CDH4: variants seen among roughly 807,000 people sequenced by gnomAD.
The protein encoded by CDH4 is cadherin 4.
Under a neutral mutation model 86.0 loss-of-function variants are expected in CDH4, and 33 were observed. The observed-to-expected ratio is 0.38, with a 90% CI of 0.29 to 0.51. The LOEUF is 0.51. Ranked by LOEUF, CDH4 falls within the 20% of genes least tolerant of loss-of-function variation. The pLI, the probability that CDH4 is intolerant of heterozygous loss-of-function variation, is 0.86. For missense variants in CDH4, 1,114 were observed against 1,307.4 expected (o/e 0.85, Z 2.28); for synonymous variants, 555 against 549.4 (o/e 1.01, Z -0.14).
At chr20:61,375,668 GGTTT>G (rs1156946576) in intron 2 of CDH4, among the ~76,000 whole-genome samples, 1 of 144,784 alleles carries the variant, frequency 6.9e-6, no homozygotes, top group Non-Finnish European at 1.5e-5. Context: ...GTGATGGTGT[GGTTT>G]GTTGATGGTA....
Position 61,630,020 on chromosome 20 carries a change from G to A in CDH4, c.170-113543G>A, listed in dbSNP as rs190664532. On this transcript the variant is annotated intron_variant, in intron 2 of 15. Transcript: ENST00000614565. ...CTCTGCCCGGGCTCCGAGGCGGTGTGAGGCCTCTCACATTGCTCCCTGACA... is the reference window on the plus strand; with the variant it reads ...CTCTGCCCGGGCTCCGAGGCGGTGTAAGGCCTCTCACATTGCTCCCTGACA... Among the ~76,000 whole-genome samples, 362 of 152,142 alleles carry A rather than the reference G, an allele frequency of 2.4e-3. 1 individual carries two copies. The highest frequency in any genetic ancestry group is 7.9e-3 in the African/African-American group (328 of 41,516).
rs2087282218 is a variant in CDH4 at position 61,663,315 on chromosome 20, G to T, written c.170-80248G>T. Among the ~76,000 whole-genome samples the T allele has an allele frequency of 6.6e-6, 1 of 152,258 alleles. No homozygotes were observed. The highest frequency in any genetic ancestry group is 1.5e-5 in the Non-Finnish European group (1 of 68,040). ...AAGGAGTGGCACCCGCAGGAGGCCT[G>T]TGCTGCGGAGCTCCTGGGAGGGTGA... On this transcript the variant is annotated intron_variant, in intron 2 of 15. Transcript: ENST00000614565. This position sits in a 1 kb window ranked among gnomAD's most constrained non-coding sequence, Gnocchi z 5.0.
At position 61,352,505 on chromosome 20, in the gene CDH4, G is replaced by A. The variant is rs930376807; in HGVS notation, c.169+97568G>A. 4.6e-5 allele frequency among the ~76,000 whole-genome samples: 7 copies of A among 152,318 alleles called. 1 individual carries two copies. Among genetic ancestry groups the A allele is most frequent in the Middle Eastern group, 6.8e-3 (2 of 294 alleles). ...TGCACTGGCCCCCGTGCCTGCCAGC[G>A]GGGTGTGAGCCGCCTGTGGGGCAGC... On this transcript the variant is annotated intron_variant, in intron 2 of 15. Coordinates refer to ENST00000614565, the MANE Select transcript of CDH4 (RefSeq NM_001794.5).
intron 2 of CDH4, among the ~76,000 whole-genome samples, chr20:61,453,613 T>C (rs1456166120): frequency 6.6e-6 from 1 of 152,236 alleles, no homozygotes; most frequent in Non-Finnish European, 1.5e-5. Context: ...TGGTGCCTTC[T>C]GGGCAGCTCA....
At chr20:61,633,068 A>G (rs2086910023) in intron 2 of CDH4, among the ~76,000 whole-genome samples, 1 of 150,052 alleles carries the variant, frequency 6.7e-6, no homozygotes, top group Non-Finnish European at 1.5e-5. Context: ...TCATTCACCC[A>G]TCCATCTATC....
At chr20:61,360,149 T>G (rs2084775947) in intron 2 of CDH4, among the ~76,000 whole-genome samples, 1 of 152,186 alleles carries the variant, frequency 6.6e-6, no homozygotes, top group South Asian at 2.1e-4. Flanking sequence ...ATTTGCCACA[T>G]CAGCTCGCAG....
intron 2 of CDH4, among the ~76,000 whole-genome samples, chr20:61,429,713 G>T (rs1441645684): frequency 1.3e-5 from 2 of 151,574 alleles, no homozygotes; most frequent in African/African-American, 2.4e-5. Context: ...GTGGATAGAT[G>T]GGTGGATGGG....
At chr20:61,856,462 A>G (rs554348757) in intron 6 of CDH4, among the ~76,000 whole-genome samples, 2 of 124,952 alleles carry the variant, frequency 1.6e-5, no homozygotes, top group Admixed American at 8.9e-5. Flanking sequence ...AGAATCCTTC[A>G]TGCACCCCAC....
chr20:61,639,259 G>A (rs2086980158), intron 2 of CDH4, among the ~76,000 whole-genome samples: 2 of 152,172 alleles, frequency 1.3e-5, no homozygotes, highest in Admixed American at 6.5e-5. Context: ...AGTCTGTGCT[G>A]TTACATACCC....
intron 2 of CDH4, among the ~76,000 whole-genome samples, chr20:61,714,023 T>TTATGTTATGTTATGTTATGTTCTGTTATG (rs1555828915): frequency 8.1e-6 from 1 of 123,860 alleles, no homozygotes; most frequent in Admixed American, 8.0e-5. Flanking sequence ...CTATTCTTTT[T>TTATGTTATGTTATGTTATGTTCTGTTATG]TTATTTTATT....
intron 2 of CDH4, among the ~76,000 whole-genome samples, chr20:61,702,969 G>T (rs532112545): frequency 2.0e-5 from 3 of 152,174 alleles, no homozygotes; most frequent in Non-Finnish European, 4.4e-5. Flanking sequence ...GGCTGTGTGC[G>T]TGCGGCCCTG....
intron 2 of CDH4, among the ~76,000 whole-genome samples, chr20:61,344,968 G>A (rs6071592): frequency 0.13 from 19,074 of 152,258 alleles, 1,315 homozygotes; most frequent in African/African-American, 0.18. Context: ...GCACCTGAGT[G>A]CCCAACTGTG....
intron 2 of CDH4, among the ~76,000 whole-genome samples, chr20:61,355,447 G>T (rs1028258543): frequency 9.9e-5 from 15 of 152,174 alleles, no homozygotes; most frequent in African/African-American, 3.6e-4. Context: ...TCTTCCTCTC[G>T]TGGAAATTTC....
chr20:61,618,731 G>A (rs577079162), intron 2 of CDH4, among the ~76,000 whole-genome samples: 67 of 152,322 alleles, frequency 4.4e-4, no homozygotes, highest in African/African-American at 1.5e-3. Flanking sequence ...CTATTGTTTC[G>A]GTTAACTGAG....
chr20:61,908,125 A>G (rs1210832506), intron 8 of CDH4, among the ~76,000 whole-genome samples: 1 of 152,160 alleles, frequency 6.6e-6, no homozygotes, highest in African/African-American at 2.4e-5. Context: ...GAGCTTTTGA[A>G]ATACAGAGAA....
intron 1 of CDH4, among the ~76,000 whole-genome samples, chr20:61,253,873 G>C (rs904804898): frequency 6.6e-6 from 1 of 152,208 alleles, no homozygotes; most frequent in Non-Finnish European, 1.5e-5. Context: ...CCACTGCCCG[G>C]TGCGGGCTGC....
At chr20:61,903,702 G>A (rs1371355015) in intron 8 of CDH4, among the ~76,000 whole-genome samples, 1 of 152,152 alleles carries the variant, frequency 6.6e-6, no homozygotes, top group African/African-American at 2.4e-5. Context: ...AGCAGGGTAT[G>A]GGGCCGAGAG....
intron 2 of CDH4, among the ~76,000 whole-genome samples, chr20:61,439,128 A>AT (rs1015309390): frequency 1.3e-5 from 2 of 152,058 alleles, no homozygotes; most frequent in African/African-American, 4.8e-5. Flanking sequence ...AAATAGTTTG[A>AT]TTTTTTGTCA....
intron 7 of CDH4, among the ~76,000 whole-genome samples, chr20:61,884,390 C>T (rs1042004105): frequency 1.3e-5 from 2 of 152,226 alleles, no homozygotes; most frequent in African/African-American, 2.4e-5. Flanking sequence ...GCCCCTCATC[C>T]TGCAGGAGGC....
Sources: gnomAD v4.1 joint callset for allele counts (sites outside exome capture counted in the v4.1 genomes callset) on GRCh38, gnomAD v4.1.1 for gene constraint, Gnocchi (gnomAD v3.1) non-coding constraint, MANE v1.5 for transcripts, NCBI Gene and HGNC (gene_info 2026-07-23, HGNC 2026-07-21) for gene names.